The following TBL1XR1 variants were observed in gnomAD, a reference collection of about 807,000 sequenced individuals.
TBL1XR1 encodes the protein F-box-like/WD repeat-containing protein TBL1XR1.
In TBL1XR1, 5 loss-of-function variants were observed where a neutral mutation model predicts 66.9. That is an observed-to-expected ratio of 0.07 (90% CI 0.04 to 0.16). The LOEUF is 0.16. TBL1XR1 is among the 10% of genes least tolerant of loss of function. The pLI is 1.00. For missense variants in TBL1XR1, 238 were observed against 623.2 expected, an observed-to-expected ratio of 0.38 and a Z score of 6.58; for synonymous variants, 210 against 206.0, an observed-to-expected ratio of 1.02 and a Z score of -0.17.
At chr3:177,159,744 C>CTG (rs1268780296) in intron 1 of TBL1XR1, among the ~76,000 whole-genome samples, 1 of 152,188 alleles carries the variant, frequency 6.6e-6, no homozygotes, top group Non-Finnish European at 1.5e-5. Context: ...AGTAATGTCC[C>CTG]TGCTGCCACC....
chr3:177,197,772 G>C (rs1262178684), upstream of TBL1XR1, among the ~76,000 whole-genome samples: 2 of 147,386 alleles, frequency 1.4e-5, no homozygotes, highest in Non-Finnish European at 3.0e-5. Flanking sequence ...ACTGGGGGCT[G>C]GGCTGTGCGG....
chr3:177,051,239 G>C (rs1164552804), intron 5 of TBL1XR1, among the ~76,000 whole-genome samples: 1 of 151,904 alleles, frequency 6.6e-6, no homozygotes, highest in African/African-American at 2.4e-5. Context: ...TAGAAGATGG[G>C]GCATTTCTTC....
At chr3:177,095,805 A>C (rs1723405378) in intron 2 of TBL1XR1, among the ~76,000 whole-genome samples, 1 of 152,134 alleles carries the variant, frequency 6.6e-6, no homozygotes. Flanking sequence ...TAGATTTAAA[A>C]TTACTTGTGT....
At chr3:177,149,436 ATATTT>A (rs1415393384) in intron 1 of TBL1XR1, among the ~76,000 whole-genome samples, 4 of 152,230 alleles carry the variant, frequency 2.6e-5, no homozygotes, top group African/African-American at 7.2e-5. Context: ...AATGAAGAAT[ATATTT>A]TATAATACTT....
intron 1 of TBL1XR1, among the ~76,000 whole-genome samples, chr3:177,148,255 G>A (rs1296600677): frequency 6.6e-6 from 1 of 152,192 alleles, no homozygotes; most frequent in Non-Finnish European, 1.5e-5. Context: ...CATGCTGATA[G>A]GGGACAGTTA....
chr3:177,129,614 A>C (rs1728045998), intron 1 of TBL1XR1, among the ~76,000 whole-genome samples: 1 of 152,228 alleles, frequency 6.6e-6, no homozygotes, highest in Non-Finnish European at 1.5e-5. Flanking sequence ...TATAGTGGTT[A>C]CACAGGTTTG....
intron 2 of TBL1XR1, among the ~76,000 whole-genome samples, chr3:177,076,696 G>T (rs551977141): frequency 1.3e-5 from 2 of 152,222 alleles, no homozygotes; most frequent in South Asian, 4.2e-4. Flanking sequence ...GTCCACCTTG[G>T]TTATCAGAGA....
intron 1 of TBL1XR1, among the ~76,000 whole-genome samples, chr3:177,172,721 C>A (rs1276172524): frequency 2.7e-5 from 4 of 149,214 alleles, no homozygotes; most frequent in East Asian, 2.0e-4. Context: ...AGAGCCAAGC[C>A]GAGCCAAGCC....
rs544470157 is a variant in TBL1XR1, at chr3:177,111,968, T to C, written c.-121-13427A>G. ...CAATGACTGGGTTTATTGGATTGAC[T>C]GCTAAGATCCTTTGAAGCCTTTTAA... On this transcript the variant is annotated intron_variant, in intron 1 of 15. Coordinates refer to ENST00000457928, the MANE Select transcript of TBL1XR1 (RefSeq NM_024665.7). 3.5e-3 allele frequency among the ~76,000 whole-genome samples: 523 copies of C among 150,486 alleles called. 2 individuals carry two copies. Among genetic ancestry groups the C allele is most frequent in the African/African-American group, 0.012 (497 of 40,984 alleles).
chr3:177,025,600 C>T (rs1712996760), intron 15 of TBL1XR1, 76 bp from the exon 16 acceptor site: 1 of 1,392,046 alleles, frequency 7.2e-7, no homozygotes, highest in Non-Finnish European at 1.0e-6. Context: ...TTCTATAGTA[C>T]AATTTGAAAT....
chr3:177,173,033 C>T (rs547253946), intron 1 of TBL1XR1, among the ~76,000 whole-genome samples: 16 of 151,970 alleles, frequency 1.1e-4, no homozygotes, highest in African/African-American at 3.9e-4. Flanking sequence ...ACAAAAAATA[C>T]AAAATTAGCC....
chr3:177,129,839 T>C (rs1728072578), intron 1 of TBL1XR1, among the ~76,000 whole-genome samples: 1 of 151,808 alleles, frequency 6.6e-6, no homozygotes, highest in African/African-American at 2.4e-5. Context: ...AACCTGGCAG[T>C]GAAATTTAAA....
At chr3:177,061,757 C>G (rs150923136) in intron 3 of TBL1XR1, among the ~76,000 whole-genome samples, 5 of 152,302 alleles carry the variant, frequency 3.3e-5, no homozygotes, top group Middle Eastern at 3.4e-3. Flanking sequence ...TTCTTAGATA[C>G]TGAATGACTA....
chr3:177,120,939 T>A (rs1483211534), intron 1 of TBL1XR1: 2 of 152,216 alleles, frequency 1.3e-5, no homozygotes, highest in Non-Finnish European at 2.9e-5. Flanking sequence ...TTAACCAATT[T>A]GCTTAAATTT....
At chr3:177,156,328 G>A (rs568674128) in intron 1 of TBL1XR1, among the ~76,000 whole-genome samples, 39 of 150,972 alleles carry the variant, frequency 2.6e-4, no homozygotes, top group Admixed American at 7.9e-4. Flanking sequence ...CAAAACCCCC[G>A]TCTCTACTGA....
intron 2 of TBL1XR1, chr3:177,078,578 AC>A (rs558571265): frequency 7.7e-6 from 1 of 130,260 alleles, no homozygotes; most frequent in African/African-American, 2.9e-5. Flanking sequence ...AAAGAGTGAG[AC>A]CCCCATCTCA....
upstream of TBL1XR1, among the ~76,000 whole-genome samples, chr3:177,197,575 G>GGCGGCGGCGGCC (rs1256961921): frequency 1.4e-5 from 2 of 144,218 alleles, no homozygotes; most frequent in Non-Finnish European, 3.1e-5. Flanking sequence ...CGGCGGCGGC[G>GGCGGCGGCGGCC]GCGGCGGCGG....
At chr3:177,046,069 A>G (rs1716289389) in intron 10 of TBL1XR1, 60 bp downstream of exon 10, 2 of 1,297,808 alleles carry the variant, frequency 1.5e-6, no homozygotes, top group Non-Finnish European at 2.1e-6. Context: ...ATGCTGTTAA[A>G]AGTTTAATTA....
chr3:177,153,614 G>C (rs185067455), intron 1 of TBL1XR1, among the ~76,000 whole-genome samples: 1 of 152,110 alleles, frequency 6.6e-6, no homozygotes, highest in Non-Finnish European at 1.5e-5. Flanking sequence ...AAGGCCAGGC[G>C]CGGTGGCTCA....
Sources: gnomAD v4.1 joint callset for allele counts (sites outside exome capture counted in the v4.1 genomes callset) on GRCh38, gnomAD v4.1.1 for gene constraint, MANE v1.5 for transcripts, NCBI Gene and HGNC (gene_info 2026-07-23, HGNC 2026-07-21) for gene names.